Variants in NAALADL2 observed in about 807,000 individuals in gnomAD.
The protein encoded by NAALADL2 is N-acetylated alpha-linked acidic dipeptidase like 2, also known as inactive N-acetylated-alpha-linked acidic dipeptidase-like protein 2.
A neutral mutation model predicts 87.2 loss-of-function variants in NAALADL2; 76 were observed. The observed-to-expected ratio is 0.87, with a 90% confidence interval of 0.72 to 1.05. The LOEUF (loss-of-function observed/expected upper bound fraction) is 1.05. NAALADL2 is among the 50% of genes least tolerant of loss of function. The pLI is 0.00. For synonymous variants in NAALADL2, 354 were observed against 331.0 expected (o/e 1.07, Z -0.75); for missense variants, 1,089 against 945.8 (o/e 1.15, Z -1.99).
chr3:175,664,090 A>G (rs1464692784), intron 11 of NAALADL2, among the ~76,000 whole-genome samples: 1 of 151,920 alleles, frequency 6.6e-6, no homozygotes, highest in Non-Finnish European at 1.5e-5. Flanking sequence ...AATTTAGAAT[A>G]TTTTTCCAAT....
intron 9 of NAALADL2, among the ~76,000 whole-genome samples, chr3:175,505,268 A>G (rs75844834): frequency 3.2e-5 from 2 of 63,228 alleles, no homozygotes; most frequent in South Asian, 4.4e-4. Flanking sequence ...TGTCTCGAGA[A>G]AAAAAAAAAA....
intron 3 of NAALADL2, among the ~76,000 whole-genome samples, chr3:174,775,138 T>C (rs1046444309): frequency 6.6e-6 from 1 of 152,066 alleles, no homozygotes; most frequent in Admixed American, 6.6e-5. Context: ...AATGACCCTA[T>C]TGAGATAATT....
chr3:175,631,558 G>A (rs1450397869), intron 11 of NAALADL2, among the ~76,000 whole-genome samples: 1 of 151,466 alleles, frequency 6.6e-6, no homozygotes, highest in African/African-American at 2.4e-5. Flanking sequence ...GATGCCAATA[G>A]GTGTAATTCA....
At chr3:175,412,513 G>A (rs1469654535) in intron 5 of NAALADL2, among the ~76,000 whole-genome samples, 2 of 151,998 alleles carry the variant, frequency 1.3e-5, no homozygotes, top group African/African-American at 4.8e-5. Flanking sequence ...ATTAGGATGG[G>A]GGTTATCTCC....
chr3:175,215,653 A>T (rs554128779), intron 2 of NAALADL2, among the ~76,000 whole-genome samples: 2 of 152,176 alleles, frequency 1.3e-5, no homozygotes, highest in Admixed American at 6.5e-5. Context: ...ATAGAAAGTC[A>T]TCTTAAGATT....
intron 13 of NAALADL2, among the ~76,000 whole-genome samples, chr3:175,763,550 G>T (rs910648464): frequency 1.3e-5 from 2 of 152,106 alleles, no homozygotes; most frequent in African/African-American, 2.4e-5. Flanking sequence ...TATTTAAAGT[G>T]ATTGGACTAA....
chr3:175,599,165 C>T (rs1722629626), intron 10 of NAALADL2, among the ~76,000 whole-genome samples: 1 of 152,034 alleles, frequency 6.6e-6, no homozygotes, highest in South Asian at 2.1e-4. Flanking sequence ...TGAATTTACG[C>T]TGGCATATAG....
intron 9 of NAALADL2, among the ~76,000 whole-genome samples, chr3:175,575,762 A>C (rs928243099): frequency 3.3e-5 from 5 of 152,210 alleles, no homozygotes; most frequent in African/African-American, 1.2e-4. Context: ...TTATGATAAA[A>C]AATGCTTTTG....
chr3:174,713,843 G>T (rs1000893694), intron 2 of NAALADL2, among the ~76,000 whole-genome samples: 19 of 151,958 alleles, frequency 1.3e-4, no homozygotes, highest in Non-Finnish European at 2.5e-4. Flanking sequence ...TGTTGCCATT[G>T]CTTTTGGTGT....
At chr3:175,293,036 C>CA (rs568981496) in intron 4 of NAALADL2, among the ~76,000 whole-genome samples, 13,422 of 48,750 alleles carry the variant, frequency 0.28, 2,152 homozygotes, top group Middle Eastern at 0.32. Flanking sequence ...GACTCCGTCT[C>CA]AAAAAAAAAA....
At chr3:174,821,434 A>G (rs1055950051) in intron 3 of NAALADL2, among the ~76,000 whole-genome samples, 28 of 152,150 alleles carry the variant, frequency 1.8e-4, no homozygotes, top group Non-Finnish European at 1.5e-5. Context: ...AAACAGAAAC[A>G]CTTGCTCCCT....
chr3:175,467,025 T>A lies in NAALADL2; in HGVS notation c.1374T>A (p.Tyr458Ter), dbSNP rs199956982. The stretch of plus-strand genomic sequence containing the variant: ...GCCATCATCACACTGCACACAGTTA[T>A]AATGGACAAGAATGGGCCAGTAGTA... ...VGSHHHTAHS[Y>*]NGQEWASSTA... The change falls in exon 8 of 14, where the codon TAT (tyrosine) becomes TAA (stop). Residue 458 changes from tyrosine to a stop codon, truncating the protein, a stop_gained. Transcript: ENST00000454872. LOFTEE classifies it high-confidence loss of function. The A allele has an allele frequency of 2.9e-5, 46 of 1,613,762 alleles. No individual in the cohort carries two copies. The highest frequency in any genetic ancestry group is 3.7e-5 in the Non-Finnish European group (44 of 1,179,812).
intron 1 of NAALADL2, among the ~76,000 whole-genome samples, chr3:174,936,860 G>C (rs944726003): frequency 6.6e-6 from 1 of 152,050 alleles, no homozygotes; most frequent in African/African-American, 2.4e-5. Flanking sequence ...GTTTGCAGAG[G>C]GACATAAGGA....
chr3:175,136,088 G>A (rs1441040619), intron 2 of NAALADL2, among the ~76,000 whole-genome samples: 1 of 152,196 alleles, frequency 6.6e-6, no homozygotes, highest in African/African-American at 2.4e-5. Context: ...CTACTCCTTA[G>A]GGTGTAGAGA....
chr3:175,729,489 G>T (rs1214928464), intron 11 of NAALADL2, among the ~76,000 whole-genome samples: 1 of 152,144 alleles, frequency 6.6e-6, no homozygotes, highest in Non-Finnish European at 1.5e-5. Context: ...AACAATAGCT[G>T]AGTCTTTGTC....
intron 1 of NAALADL2, among the ~76,000 whole-genome samples, chr3:174,882,828 CACGT>C (rs1729565880): frequency 7.0e-6 from 1 of 142,908 alleles, no homozygotes; most frequent in African/African-American, 2.6e-5. Flanking sequence ...TGTATATATA[CACGT>C]GTGTATATGT....
chr3:175,720,631 T>C (rs915170344), intron 11 of NAALADL2, among the ~76,000 whole-genome samples: 15 of 151,908 alleles, frequency 9.9e-5, no homozygotes, highest in Non-Finnish European at 1.6e-4. Flanking sequence ...ATAGGATATA[T>C]TAAAAATAAA....
chr3:175,180,792 G>A (rs1708288584), intron 2 of NAALADL2, among the ~76,000 whole-genome samples: 1 of 151,226 alleles, frequency 6.6e-6, no homozygotes, highest in Non-Finnish European at 1.5e-5. Flanking sequence ...TATGTTGCTG[G>A]CACTTCTCTA....
intron 2 of NAALADL2, among the ~76,000 whole-genome samples, chr3:175,144,452 A>C (rs1310539104): frequency 6.6e-6 from 1 of 151,920 alleles, no homozygotes; most frequent in African/African-American, 2.4e-5. Flanking sequence ...TTTTGTGTTT[A>C]TTTTTTCTTC....
Sources: gnomAD v4.1 joint callset for allele counts (sites outside exome capture counted in the v4.1 genomes callset) on GRCh38, gnomAD v4.1.1 for gene constraint, MANE v1.5 for transcripts, NCBI Gene and HGNC (gene_info 2026-07-23, HGNC 2026-07-21) for gene names.